ZNF148: variants seen among roughly 807,000 people sequenced by gnomAD.
ZNF148 encodes the protein Beta-Enolase Repressor Factor-1.
Under a neutral mutation model 67.7 loss-of-function variants are expected in ZNF148, and 7 were observed. The ratio of observed to expected loss-of-function variants is 0.10; its 90% CI spans 0.06 to 0.19. ZNF148 has a LOEUF of 0.19. ZNF148 is among the 10% of genes least tolerant of loss of function. The pLI, the probability that ZNF148 is intolerant of heterozygous loss-of-function variation, is 1.00. For missense variants in ZNF148, 583 were observed against 947.1 expected, an observed-to-expected ratio of 0.62 and a Z score of 5.05; for synonymous variants, 333 against 330.7, an observed-to-expected ratio of 1.01 and a Z score of -0.08.
intron 7 of ZNF148, among the ~76,000 whole-genome samples, chr3:125,255,304 T>A (rs1298904763): frequency 1.6e-5 from 2 of 128,372 alleles, no homozygotes; most frequent in Admixed American, 2.0e-4. Context: ...TGGAGTGCAG[T>A]GGCACAATCT....
intron 3 of ZNF148, among the ~76,000 whole-genome samples, chr3:125,320,320 A>G (rs2107687772): frequency 6.6e-6 from 1 of 152,344 alleles, no homozygotes; most frequent in East Asian, 1.9e-4. Context: ...AGGGCTGTAC[A>G]TTTTAAAATG....
chr3:125,277,964 C>T (rs1368525320), intron 6 of ZNF148, among the ~76,000 whole-genome samples, 155 bp from the exon 7 acceptor site: 1 of 152,038 alleles, frequency 6.6e-6, no homozygotes, highest in Non-Finnish European at 1.5e-5. Context: ...ATTTTATGTC[C>T]TCTCAATTTT....
At chr3:125,252,426 T>C (rs1394265201) in intron 7 of ZNF148, among the ~76,000 whole-genome samples, 3 of 152,112 alleles carry the variant, frequency 2.0e-5, no homozygotes, top group Admixed American at 6.6e-5. Flanking sequence ...ATGATTTTTG[T>C]ATATGGTGTA....
chr3:125,352,235 G>A (rs1456526566), intron 1 of ZNF148, among the ~76,000 whole-genome samples: 1 of 151,902 alleles, frequency 6.6e-6, no homozygotes, highest in African/African-American at 2.4e-5. Context: ...GGAATGAACT[G>A]CTGACACATG....
rs187851002 is a variant in ZNF148, at chr3:125,366,514, T to G, written c.-234+8588A>C. ...TCAGTTTAATGAGTGACAATCAGCT[T>G]TTTTTTCTTCCCCCTTGGCCAGCTT... On this transcript the variant is annotated intron_variant, in intron 1 of 8. Coordinates refer to ENST00000360647, the MANE Select transcript of ZNF148 (RefSeq NM_021964.3). 3.9e-5 allele frequency among the ~76,000 whole-genome samples: 6 copies of G among 151,928 alleles called. No homozygotes were observed. The East Asian group carries it at 1.2e-3, about 29-fold the overall frequency.
intron 3 of ZNF148, among the ~76,000 whole-genome samples, 180 bp downstream of exon 3, chr3:125,323,129 T>C (rs1186959511): frequency 6.6e-6 from 1 of 152,168 alleles, no homozygotes; most frequent in African/African-American, 2.4e-5. Context: ...AATGACATCA[T>C]TATTCATCAT....
intron 1 of ZNF148, among the ~76,000 whole-genome samples, chr3:125,341,597 G>GA (rs932445765): frequency 2.0e-5 from 3 of 150,610 alleles, no homozygotes; most frequent in South Asian, 4.2e-4. Flanking sequence ...CTACTGCCTA[G>GA]AAAAAAAAGT....
At chr3:125,323,116 T>G (rs1418667033) in intron 3 of ZNF148, among the ~76,000 whole-genome samples, 193 bp downstream of exon 3, 1 of 152,196 alleles carries the variant, frequency 6.6e-6, no homozygotes, top group Non-Finnish European at 1.5e-5. Flanking sequence ...TGTTAGAGTC[T>G]AAAATGACAT....
rs141809192 is a variant in ZNF148 at position 125,298,346 on chromosome 3, T to TACACAC, written c.334-10124_334-10119dup. On this transcript the variant is annotated intron_variant, in intron 4 of 8. Coordinates refer to ENST00000360647, the MANE Select transcript of ZNF148 (RefSeq NM_021964.3). ...CCTAGAGCAATGTTATAAATGTGCA[T>TACACAC]ACACACACACACACACACACACACA... Among the ~76,000 whole-genome samples, 861 of 145,692 alleles carry TACACAC rather than the reference T, an allele frequency of 5.9e-3. 15 individuals are homozygous for TACACAC. The highest frequency in any genetic ancestry group is 0.016 in the African/African-American group (629 of 38,888).
chr3:125,290,414 T>A (rs1938947202), intron 4 of ZNF148, among the ~76,000 whole-genome samples: 1 of 152,204 alleles, frequency 6.6e-6, no homozygotes, highest in South Asian at 2.1e-4. Flanking sequence ...AAAATATTCT[T>A]CCTTTGATTC....
intron 5 of ZNF148, among the ~76,000 whole-genome samples, chr3:125,279,547 G>C (rs1187173354): frequency 6.6e-6 from 1 of 152,064 alleles, no homozygotes; most frequent in African/African-American, 2.4e-5. Context: ...TCTTCAGTTA[G>C]GGTGAACACA....
At chr3:125,242,452 G>T (rs374465355) in intron 7 of ZNF148, among the ~76,000 whole-genome samples, 1 of 151,974 alleles carries the variant, frequency 6.6e-6, no homozygotes, top group Non-Finnish European at 1.5e-5. Context: ...AAAATTTCCC[G>T]TCTCTACTAA....
At chr3:125,312,118 AACAG>A (rs938697514) in intron 4 of ZNF148, among the ~76,000 whole-genome samples, 3 of 152,212 alleles carry the variant, frequency 2.0e-5, no homozygotes, top group Non-Finnish European at 4.4e-5. Context: ...TAATACCAAA[AACAG>A]ACAAAGACAT....
chr3:125,345,998 G>A (rs1941927924), intron 1 of ZNF148, among the ~76,000 whole-genome samples: 1 of 152,068 alleles, frequency 6.6e-6, no homozygotes, highest in African/African-American at 2.4e-5. Flanking sequence ...CAGCATTACT[G>A]TTACCAACAC....
chr3:125,270,690 A>T (rs1016424994), intron 7 of ZNF148, among the ~76,000 whole-genome samples: 2 of 152,134 alleles, frequency 1.3e-5, no homozygotes, highest in Non-Finnish European at 2.9e-5. Flanking sequence ...ACTATGGACA[A>T]ATAAGAAAAA....
At chr3:125,352,891 G>A (rs533751205) in intron 1 of ZNF148, among the ~76,000 whole-genome samples, 5 of 152,236 alleles carry the variant, frequency 3.3e-5, no homozygotes, top group South Asian at 2.1e-4. Flanking sequence ...TCAAGACAGC[G>A]TGGTACTGGA....
At chr3:125,358,207 G>C (rs1011310830) in intron 1 of ZNF148, among the ~76,000 whole-genome samples, 8 of 152,148 alleles carry the variant, frequency 5.3e-5, no homozygotes, top group African/African-American at 1.7e-4. Context: ...CAGTTATTCA[G>C]GAGGCTGAGA....
chr3:125,334,608 C>A (rs1941416406), intron 1 of ZNF148, among the ~76,000 whole-genome samples: 1 of 152,114 alleles, frequency 6.6e-6, no homozygotes, highest in Non-Finnish European at 1.5e-5. Flanking sequence ...GGTATTAAAT[C>A]ACTTAATCAA....
In ZNF148 at chr3:125,253,679, T is replaced by C. The variant is rs1425050824; in HGVS notation, c.668-19350A>G. 2.6e-5 allele frequency among the ~76,000 whole-genome samples: 4 copies of C among 152,344 alleles called. No individual in the cohort carries two copies. The East Asian group carries it at 7.7e-4, about 29-fold the overall frequency. On this transcript the variant is annotated intron_variant, in intron 7 of 8. Coordinates refer to ENST00000360647, the MANE Select transcript of ZNF148 (RefSeq NM_021964.3). ...AATGTTTTCTACCTACCTACTGAGA[T>C]AAAATTTCCCTCCTTAATTTGTTAA...
Sources: gnomAD v4.1 joint callset for allele counts (sites outside exome capture counted in the v4.1 genomes callset) on GRCh38, gnomAD v4.1.1 for gene constraint, MANE v1.5 for transcripts, NCBI Gene and HGNC (gene_info 2026-07-23, HGNC 2026-07-21) for gene names.